PGGT1B: variants seen among roughly 807,000 people sequenced by gnomAD.
The protein encoded by PGGT1B is geranylgeranyl transferase type-1 subunit beta.
PGGT1B carries 30 observed loss-of-function variants against 46.1 expected under a neutral mutation model. The ratio of observed to expected loss-of-function variants is 0.65; its 90% confidence interval spans 0.49 to 0.88. The LOEUF (loss-of-function observed/expected upper bound fraction) is 0.88. Ranked by LOEUF, PGGT1B falls within the 40% of genes least tolerant of loss-of-function variation. The pLI, the probability that PGGT1B is intolerant of heterozygous loss-of-function variation, is 0.00. For synonymous variants in PGGT1B, 170 were observed against 160.0 expected, an observed-to-expected ratio of 1.06 and a Z score of -0.47; for missense variants, 376 against 455.9, an observed-to-expected ratio of 0.82 and a Z score of 1.60.
intron 1 of PGGT1B, among the ~76,000 whole-genome samples, chr5:115,254,923 GGCA>G (rs1205820731): frequency 1.3e-5 from 2 of 152,006 alleles, no homozygotes; most frequent in Non-Finnish European, 2.9e-5. Context: ...TTATATTAAG[GGCA>G]GTGGAACTCC....
chr5:115,255,231 C>A lies in PGGT1B; in HGVS notation c.141-1976G>T, dbSNP rs532080446. ...TAATCACAGTCTATAACACTACAGG[C>A]CTTTTCTATAGACTCTTGGTTGTAA... On this transcript the variant is annotated intron_variant, in intron 1 of 8. Coordinates refer to ENST00000419445, the MANE Select transcript of PGGT1B (RefSeq NM_005023.4). 6.6e-5 allele frequency among the ~76,000 whole-genome samples: 10 copies of A among 152,136 alleles called. 1 individual carries two copies. The East Asian group carries it at 1.7e-3, about 26-fold the overall frequency.
At chr5:115,232,126 TA>T (rs1757007430) in intron 5 of PGGT1B, among the ~76,000 whole-genome samples, 1 of 151,958 alleles carries the variant, frequency 6.6e-6, no homozygotes, top group Non-Finnish European at 1.5e-5. Flanking sequence ...AGTAAAGAAA[TA>T]AAAAGCATTA....
chr5:115,244,811 G>A (rs1027502239), intron 2 of PGGT1B, among the ~76,000 whole-genome samples: 11 of 151,816 alleles, frequency 7.2e-5, no homozygotes, highest in Non-Finnish European at 1.2e-4. Flanking sequence ...GGCTGGTCTC[G>A]AATTCCTGAC....
At chr5:115,248,132 G>A (rs1244745556) in intron 2 of PGGT1B, among the ~76,000 whole-genome samples, 4 of 152,092 alleles carry the variant, frequency 2.6e-5, no homozygotes, top group Non-Finnish European at 5.9e-5. Context: ...TCTTATCTAT[G>A]TTTCCAAACA....
In PGGT1B at chr5:115,253,189, T is replaced by C. The variant is rs1409314181; in HGVS notation, c.207A>G (p.Lys69=). ...AATAAATCCACTCTATTATATCATCTTTGTTCACCACATCTAAGGAATCCA... is the reference window on the plus strand; with the variant it reads ...AATAAATCCACTCTATTATATCATCCTTGTTCACCACATCTAAGGAATCCA... ...DMLDSLDVVN[K]DDIIEWIYSL... The change falls in exon 2 of 9, where the codon AAA becomes AAG. Residue 69 remains lysine (K), a synonymous_variant. Transcript: ENST00000419445. The C allele has an allele frequency of 1.2e-6, 2 of 1,605,020 alleles. No homozygotes were observed. The highest frequency in any genetic ancestry group is 1.7e-6 in the Non-Finnish European group (2 of 1,176,060).
chr5:115,220,372 T>A (rs532320163), intron 7 of PGGT1B, among the ~76,000 whole-genome samples: 1 of 152,002 alleles, frequency 6.6e-6, no homozygotes, highest in East Asian at 1.9e-4. Context: ...ATTGTATGAT[T>A]TCACCTATAT....
intron 2 of PGGT1B, among the ~76,000 whole-genome samples, chr5:115,244,240 C>T (rs1372615439): frequency 6.6e-6 from 1 of 151,434 alleles, no homozygotes; most frequent in African/African-American, 2.4e-5. Flanking sequence ...CCGAGACGGG[C>T]GGATCACGAG....
chr5:115,252,373 G>C (rs1482185363), intron 2 of PGGT1B, among the ~76,000 whole-genome samples: 2 of 151,814 alleles, frequency 1.3e-5, no homozygotes, highest in African/African-American at 2.4e-5. Flanking sequence ...TCTAAGTAAA[G>C]TTTTAGCTTA....
At chr5:115,243,526 T>C (rs1488957193) in intron 2 of PGGT1B, among the ~76,000 whole-genome samples, 1 of 152,180 alleles carries the variant, frequency 6.6e-6, no homozygotes, top group Non-Finnish European at 1.5e-5. Flanking sequence ...AACAAAATAA[T>C]ATGAATGGTG....
At chr5:115,224,361 C>A (rs555224423) in intron 6 of PGGT1B, among the ~76,000 whole-genome samples, 1 of 152,196 alleles carries the variant, frequency 6.6e-6, no homozygotes, top group Admixed American at 6.6e-5. Flanking sequence ...TTAATGCAAA[C>A]TGGCACAACT....
intron 8 of PGGT1B, among the ~76,000 whole-genome samples, 180 bp downstream of exon 8, chr5:115,216,685 A>G (rs897128163): frequency 2.0e-5 from 3 of 152,192 alleles, no homozygotes; most frequent in East Asian, 1.9e-4. Flanking sequence ...AAACTCTTTC[A>G]TTTATACTCT....
Position 115,220,906 on chromosome 5 carries a change from G to A in PGGT1B, c.843+918C>T, listed in dbSNP as rs561996494. Among the ~76,000 whole-genome samples, 24 of 152,036 alleles carry A rather than the reference G, an allele frequency of 1.6e-4. No homozygotes were observed. In the South Asian group the frequency reaches 4.1e-3, roughly 26 times the overall value. Reference sequence around the variant, plus strand: ...AATTGAAGGGAATTAGAGTATGGATGAAGAAAGGGTAGCTTTCGGTTGATA... The same window carrying A: ...AATTGAAGGGAATTAGAGTATGGATAAAGAAAGGGTAGCTTTCGGTTGATA... On this transcript the variant is annotated intron_variant, in intron 7 of 8. Transcript: ENST00000419445.
intron 1 of PGGT1B, among the ~76,000 whole-genome samples, chr5:115,257,858 T>G (rs905159259): frequency 1.3e-5 from 2 of 152,198 alleles, no homozygotes; most frequent in Admixed American, 6.5e-5. Flanking sequence ...ACCATGTCAG[T>G]GAAGAGAGAG....
At chr5:115,250,248 GT>G (rs1484549559) in intron 2 of PGGT1B, among the ~76,000 whole-genome samples, 4 of 152,126 alleles carry the variant, frequency 2.6e-5, no homozygotes, top group Admixed American at 6.5e-5. Flanking sequence ...AGACCTATGA[GT>G]TGCAGAAAGC....
At chr5:115,242,993 T>C (rs1302835245) in intron 2 of PGGT1B, among the ~76,000 whole-genome samples, 1 of 152,106 alleles carries the variant, frequency 6.6e-6, no homozygotes, top group African/African-American at 2.4e-5. Flanking sequence ...TAATGGTGAT[T>C]ATGATTTCAG....
chr5:115,240,887 A>T (rs919355962), intron 3 of PGGT1B, among the ~76,000 whole-genome samples: 3 of 152,142 alleles, frequency 2.0e-5, no homozygotes, highest in African/African-American at 7.2e-5. Flanking sequence ...AAATACTTGT[A>T]TTTTGTGTAC....
intron 2 of PGGT1B, among the ~76,000 whole-genome samples, chr5:115,243,200 A>T (rs974725058): frequency 6.6e-6 from 1 of 152,180 alleles, no homozygotes; most frequent in African/African-American, 2.4e-5. Flanking sequence ...AACACTCATA[A>T]CCTTTTGACC....
chr5:115,258,254 T>C (rs1748406948), intron 1 of PGGT1B, among the ~76,000 whole-genome samples: 1 of 152,172 alleles, frequency 6.6e-6, no homozygotes, highest in South Asian at 2.1e-4. Context: ...CCTTTTATTA[T>C]CCAGACCAGA....
rs755448658 is a variant in PGGT1B, at chr5:115,217,004, G to A, written c.844-31C>T. 11 of 946,508 alleles carry A rather than the reference G, an allele frequency of 1.2e-5. No homozygotes were observed. In the East Asian group the frequency reaches 2.7e-4, roughly 23 times the overall value. 58.6% of individuals were successfully genotyped at this position (946,508 alleles called of 1,614,324 possible). On this transcript the variant is annotated intron_variant, in intron 7 of 8. Coordinates refer to ENST00000419445, the MANE Select transcript of PGGT1B (RefSeq NM_005023.4). ...ATGACATGACAAATAAAAATTTACT[G>A]ACATAAAACTCATATCAACCTTTGG...
Sources: gnomAD v4.1 joint callset for allele counts (sites outside exome capture counted in the v4.1 genomes callset) on GRCh38, gnomAD v4.1.1 for gene constraint, MANE v1.5 for transcripts, NCBI Gene and HGNC (gene_info 2026-07-23, HGNC 2026-07-21) for gene names.